Variants in HSD17B11 observed in about 807,000 individuals in gnomAD.
HSD17B11 encodes estradiol 17-beta-dehydrogenase 11.
Under a neutral mutation model 27.8 loss-of-function variants are expected in HSD17B11, and 22 were observed. The observed-to-expected ratio is 0.79, with a 90% confidence interval of 0.56 to 1.13. The LOEUF (loss-of-function observed/expected upper bound fraction) is 1.13. Among genes scored for constraint, HSD17B11 ranks in the 50% most tolerant of loss-of-function variants. The probability of loss-of-function intolerance (pLI) is 0.00; values close to 1 mark genes in which losing one functional copy is unlikely to be tolerated. For synonymous variants in HSD17B11, 117 were observed against 132.8 expected, an observed-to-expected ratio of 0.88 and a Z score of 0.82; for missense variants, 314 against 351.1, an observed-to-expected ratio of 0.89 and a Z score of 0.84.
At chr4:87,384,740 CCT>C (rs1178978652) in intron 1 of HSD17B11, among the ~76,000 whole-genome samples, 1 of 147,226 alleles carries the variant, frequency 6.8e-6, no homozygotes, top group Non-Finnish European at 1.5e-5. Context: ...GCTCTCGAAC[CCT>C]GTTTTCTGTT....
chr4:87,378,907 T>TATATATATATAA (rs1560769403), intron 2 of HSD17B11, among the ~76,000 whole-genome samples: 1 of 16,922 alleles, frequency 5.9e-5, no homozygotes, highest in East Asian at 1.3e-3. Context: ...TATATATAAA[T>TATATATATATAA]ATATATATAT....
intron 5 of HSD17B11, among the ~76,000 whole-genome samples, chr4:87,342,960 G>C (rs952010645): frequency 3.3e-5 from 5 of 152,188 alleles, no homozygotes; most frequent in African/African-American, 9.7e-5. Flanking sequence ...GCTATGCCTT[G>C]AAAAGCATTT....
chr4:87,375,507 C>A (rs1405285690), intron 2 of HSD17B11, among the ~76,000 whole-genome samples: 2 of 152,010 alleles, frequency 1.3e-5, no homozygotes, highest in African/African-American at 2.4e-5. Flanking sequence ...TTTGGGAGGC[C>A]GAGGCAGGTG....
At chr4:87,390,413 C>T (rs1720427863) in intron 1 of HSD17B11, among the ~76,000 whole-genome samples, 1 of 152,218 alleles carries the variant, frequency 6.6e-6, no homozygotes, top group Non-Finnish European at 1.5e-5. Flanking sequence ...GCCTTGGACT[C>T]CCAAAGTGCT....
chr4:87,384,047 G>C (rs1340455880), intron 1 of HSD17B11, among the ~76,000 whole-genome samples: 2 of 152,144 alleles, frequency 1.3e-5, no homozygotes, highest in Non-Finnish European at 2.9e-5. Flanking sequence ...GCTGTGGGGA[G>C]AATTAGTAGC....
intron 5 of HSD17B11, among the ~76,000 whole-genome samples, chr4:87,353,759 A>G (rs978585116): frequency 6.6e-6 from 1 of 152,202 alleles, no homozygotes; most frequent in Non-Finnish European, 1.5e-5. Context: ...AAATTCAATT[A>G]TAACTTTTGA....
chr4:87,383,050 G>GCA (rs1720216047), intron 1 of HSD17B11, among the ~76,000 whole-genome samples: 3 of 152,136 alleles, frequency 2.0e-5, no homozygotes, highest in Admixed American at 2.0e-4. Context: ...ACACAGAGGG[G>GCA]CACACAATAC....
intron 4 of HSD17B11, among the ~76,000 whole-genome samples, chr4:87,363,998 A>G (rs1476421374): frequency 1.3e-5 from 2 of 152,252 alleles, no homozygotes; most frequent in Admixed American, 6.5e-5. Context: ...TTTCTTCTTT[A>G]AAGAGCACTA....
intron 2 of HSD17B11, among the ~76,000 whole-genome samples, chr4:87,379,674 T>C (rs4331743): frequency 0.22 from 31,637 of 142,708 alleles, 3,988 homozygotes; most frequent in Non-Finnish European, 0.28. Flanking sequence ...ATATTAATAG[T>C]ATAATATAGT....
chr4:87,346,776 A>G (rs977077827), intron 5 of HSD17B11, among the ~76,000 whole-genome samples: 3 of 152,112 alleles, frequency 2.0e-5, no homozygotes, highest in African/African-American at 7.2e-5. Flanking sequence ...AAGTGTGCTA[A>G]GCTGGGTGTG....
In HSD17B11 at chr4:87,389,371, C is replaced by T. The variant is rs10000196; in HGVS notation, c.210+1490G>A. Among the ~76,000 whole-genome samples the T allele has an allele frequency of 4.5e-4, 68 of 152,132 alleles. 1 individual carries two copies. The highest frequency in any genetic ancestry group is 6.8e-3 in the Middle Eastern group (2 of 294). The stretch of plus-strand genomic sequence containing the variant: ...ATGAGTAGCTGGGATTACAAGTACA[C>T]GCCACCACGCTCAACTAATTTTTTG... On this transcript the variant is annotated intron_variant, in intron 1 of 6. Transcript: ENST00000358290.
intron 5 of HSD17B11, among the ~76,000 whole-genome samples, chr4:87,355,322 G>T (rs573820809): frequency 7.9e-5 from 12 of 151,886 alleles, no homozygotes; most frequent in African/African-American, 2.7e-4. Flanking sequence ...AATTTGGGTG[G>T]GGCAATGATT....
At chr4:87,368,114 A>C (rs57721329) in intron 4 of HSD17B11, among the ~76,000 whole-genome samples, 2 of 152,074 alleles carry the variant, frequency 1.3e-5, no homozygotes, top group East Asian at 3.9e-4. Context: ...TCAGGAGATC[A>C]AGACCATCCT....
In HSD17B11 at chr4:87,390,844, A is replaced by G; in HGVS notation, c.210+17T>C. ...AATTAAAGGTACCAGAAAGTAAAAC[A>G]TAGTAAACACTGTTACCTTATTTAT... On this transcript the variant is annotated intron_variant, in intron 1 of 6. Transcript: ENST00000358290. The G allele has an allele frequency of 6.2e-7, 1 of 1,605,812 alleles. No individual in the cohort carries two copies. The highest frequency in any genetic ancestry group is 8.5e-7 in the Non-Finnish European group (1 of 1,172,414).
intron 1 of HSD17B11, among the ~76,000 whole-genome samples, chr4:87,385,060 A>G (rs2110133981): frequency 6.6e-6 from 1 of 152,240 alleles, no homozygotes; most frequent in East Asian, 1.9e-4. Flanking sequence ...AGGTTCCCAC[A>G]ATATTTTTCT....
At chr4:87,368,060 G>A (rs1391053438) in intron 4 of HSD17B11, among the ~76,000 whole-genome samples, 1 of 152,158 alleles carries the variant, frequency 6.6e-6, no homozygotes, top group Non-Finnish European at 1.5e-5. Flanking sequence ...GCTCATGCCT[G>A]TAATCCCAGC....
intron 1 of HSD17B11, among the ~76,000 whole-genome samples, chr4:87,383,878 C>T (rs1720236694): frequency 6.6e-6 from 1 of 151,330 alleles, no homozygotes; most frequent in African/African-American, 2.4e-5. Flanking sequence ...AGTTTAATGA[C>T]AAAAACTGCA....
At chr4:87,370,897 C>T (rs544700863) in intron 4 of HSD17B11, among the ~76,000 whole-genome samples, 2,196 of 123,950 alleles carry the variant, frequency 0.018, 238 homozygotes, top group Non-Finnish European at 0.028. Flanking sequence ...GGACTACAGG[C>T]GCCCGCTACC....
intron 4 of HSD17B11, among the ~76,000 whole-genome samples, chr4:87,371,554 C>T (rs888992055): frequency 1.3e-5 from 2 of 152,106 alleles, no homozygotes; most frequent in African/African-American, 2.4e-5. Flanking sequence ...TGCACACTTA[C>T]GACTTCTTCA....
Sources: gnomAD v4.1 joint callset for allele counts (sites outside exome capture counted in the v4.1 genomes callset) on GRCh38, gnomAD v4.1.1 for gene constraint, MANE v1.5 for transcripts, NCBI Gene and HGNC (gene_info 2026-07-23, HGNC 2026-07-21) for gene names.